The following INSL5 variants were observed in gnomAD, a reference collection of about 807,000 sequenced individuals.
INSL5 encodes the protein insulin-like peptide INSL5.
Under a neutral mutation model 4.3 loss-of-function variants are expected in INSL5, and 3 were observed. The ratio of observed to expected loss-of-function variants is 0.70; its 90% CI spans 0.32 to 1.82. The LOEUF (loss-of-function observed/expected upper bound fraction) is 1.82. Among genes scored for constraint, INSL5 ranks in the 40% most tolerant of loss-of-function variants. The pLI, the probability that INSL5 is intolerant of heterozygous loss-of-function variation, is 0.08. For synonymous variants in INSL5, 68 were observed against 56.6 expected (o/e 1.20, Z -0.90); for missense variants, 168 against 160.9 (o/e 1.04, Z -0.24).
Position 66,797,826 on chromosome 1 carries a change from C to T in INSL5, c.*187G>A, listed in dbSNP as rs1645352155. The stretch of plus-strand genomic sequence containing the variant: ...AATTTGAAAAGAACAGTTCATTAAC[C>T]TTGGCAAAGGGAGAAAATAGAGATC... On this transcript the variant is annotated 3_prime_UTR_variant, in exon 2 of 2. Transcript: ENST00000304526. 1.8e-6 allele frequency: 1 copy of T among 553,110 alleles called. No individual in the cohort carries two copies. The highest frequency in any genetic ancestry group is 1.9e-5 in the African/African-American group (1 of 53,166). 34.3% of individuals were successfully genotyped at this position (553,110 alleles called of 1,614,324 possible).
At position 66,801,127 on chromosome 1, in the gene INSL5, T is replaced by G. The variant is rs751867732; in HGVS notation, c.95A>C (p.Glu32Ala). The change falls in exon 1 of 2, where the codon GAA becomes GCA. Residue 32 changes from glutamate (E) to alanine (A), a missense_variant. By Grantham distance (107) the Glu-to-Ala change is moderately radical. Coordinates refer to ENST00000304526, the MANE Select transcript of INSL5 (RefSeq NM_005478.6). ...GATATAGATGACTGTCCGTATGTAT[T>G]CTAGCCCACAGAGTCTCACAGACTC... ...SKESVRLCGL[E>A]YIRTVIYICA... is the part of the protein sequence containing the mutation. 4.3e-6 allele frequency: 7 copies of G among 1,613,344 alleles called. No homozygotes were observed. In the South Asian group the frequency reaches 7.7e-5, roughly 18 times the overall value.
At position 66,798,134 on chromosome 1, in the gene INSL5, C is replaced by G. The variant is rs142474066; in HGVS notation, c.287G>C (p.Gly96Ala). The G allele has an allele frequency of 2.7e-3, 4,413 of 1,614,154 alleles. 3 individuals are homozygous for G. Among genetic ancestry groups the G allele is most frequent in the Non-Finnish European group, 3.6e-3 (4,196 of 1,180,018 alleles). ...CCAAAGCTCTTCAGTGGGCATCTGTCCACCCCAAAGACGGTCTTCCCCTGA... is the reference window on the plus strand; with the variant it reads ...CCAAAGCTCTTCAGTGGGCATCTGTGCACCCCAAAGACGGTCTTCCCCTGA... ...DASGEDRLWGGQMPTEELWKS... is the reference protein window; with the variant it reads ...DASGEDRLWGAQMPTEELWKS... The change falls in exon 2 of 2, where the codon GGA becomes GCA. Residue 96 changes from glycine (G) to alanine (A), a missense_variant. Coordinates refer to ENST00000304526, the MANE Select transcript of INSL5 (RefSeq NM_005478.6).
chr1:66,797,999 T>A lies in INSL5; in HGVS notation c.*14A>T, dbSNP rs368821233. 6.4e-7 allele frequency: 1 copy of A among 1,550,476 alleles called. No individual in the cohort carries two copies. Among genetic ancestry groups the A allele is most frequent in the African/African-American group, 1.4e-5 (1 of 73,592 alleles). On this transcript the variant is annotated 3_prime_UTR_variant, in exon 2 of 2. Transcript: ENST00000304526. ...TGATAAAGCTCTGCCACCCATTGGG[T>A]ATTTGCTCTTGTCTTAGCAAAGAGC...
Position 66,798,110 on chromosome 1 carries a change from C to T in INSL5, c.311G>A (p.Trp104Ter). 6.2e-7 allele frequency: 1 copy of T among 1,614,096 alleles called. No individual in the cohort carries two copies. Among genetic ancestry groups the T allele is most frequent in the Non-Finnish European group, 8.5e-7 (1 of 1,179,976 alleles). Residue 104 changes from tryptophan (W) to a stop codon, truncating the protein, a stop_gained, in exon 2 of 2, where the codon TGG becomes TAG. Coordinates refer to ENST00000304526, the MANE Select transcript of INSL5 (RefSeq NM_005478.6). LOFTEE classifies it low-confidence loss of function (END_TRUNC). ...CATCACTGAATGCTTCTTTGACTTC[C>T]AAAGCTCTTCAGTGGGCATCTGTCC... is the stretch of plus-strand genomic sequence containing the variant. ...WGGQMPTEELWKSKKHSVMSR... is the reference protein window; with the variant it reads ...WGGQMPTEEL
chr1:66,801,218 T>G lies in INSL5; in HGVS notation c.4A>C (p.Lys2Gln), dbSNP rs751653318. 1.2e-6 allele frequency: 2 copies of G among 1,610,306 alleles called. No homozygotes were observed. The highest frequency in any genetic ancestry group is 1.1e-5 in the South Asian group (1 of 90,818). Residue 2 changes from lysine (K) to glutamine (Q), a missense_variant, in exon 1 of 2, where the codon AAG becomes CAG. Physicochemically the swap from Lys to Gln is moderately conservative, Grantham distance 53. Transcript: ENST00000304526. The stretch of plus-strand genomic sequence containing the variant: ...AAAAACAGAGTGAAAATGGAGCCCT[T>G]CATTTTGCTGAGGACTGAATGTGAA... M[K>Q]GSIFTLFLFS...
intron 1 of INSL5, among the ~76,000 whole-genome samples, chr1:66,799,358 C>G (rs1448216712): frequency 6.6e-6 from 1 of 152,026 alleles, no homozygotes; most frequent in East Asian, 1.9e-4. Context: ...CACAGAAAGA[C>G]AAACACCACA....
intron 1 of INSL5, among the ~76,000 whole-genome samples, chr1:66,798,924 A>T (rs931362521): frequency 6.6e-6 from 1 of 152,216 alleles, no homozygotes; most frequent in African/African-American, 2.4e-5. Context: ...CAACAGAGCT[A>T]GCCTTATAGA....
chr1:66,798,265 A>G lies in INSL5; in HGVS notation c.176-20T>C. On this transcript the variant is annotated intron_variant, in intron 1 of 1. Coordinates refer to ENST00000304526, the MANE Select transcript of INSL5 (RefSeq NM_005478.6). Reference sequence around the variant, plus strand: ...TCTCAGCTGTATGGAAGAGAAAAAAATAATACATCCTTAGACAGCTCCTAC... The same window carrying G: ...TCTCAGCTGTATGGAAGAGAAAAAAGTAATACATCCTTAGACAGCTCCTAC... 2 of 1,563,538 alleles carry G rather than the reference A, an allele frequency of 1.3e-6. No homozygotes were observed. The highest frequency in any genetic ancestry group is 1.8e-6 in the Non-Finnish European group (2 of 1,134,644).
chr1:66,800,422 A>G (rs1207526179), intron 1 of INSL5, among the ~76,000 whole-genome samples: 3 of 152,096 alleles, frequency 2.0e-5, no homozygotes, highest in Non-Finnish European at 4.4e-5. Flanking sequence ...CCCGAGACTC[A>G]GTATGGAATT....
chr1:66,797,993 A>C lies in INSL5; in HGVS notation c.*20T>G, dbSNP rs1162479271. On this transcript the variant is annotated 3_prime_UTR_variant, in exon 2 of 2. Coordinates refer to ENST00000304526, the MANE Select transcript of INSL5 (RefSeq NM_005478.6). Reference sequence around the variant, plus strand: ...AACATGTGATAAAGCTCTGCCACCCATTGGGTATTTGCTCTTGTCTTAGCA... The same window carrying C: ...AACATGTGATAAAGCTCTGCCACCCCTTGGGTATTTGCTCTTGTCTTAGCA... 1 of 1,508,730 alleles carries C rather than the reference A, an allele frequency of 6.6e-7. No homozygotes were observed. The highest frequency in any genetic ancestry group is 1.7e-5 in the Admixed American group (1 of 59,698). 93.5% of individuals were successfully genotyped at this position (1,508,730 alleles called of 1,614,324 possible).
rs771471853 is a variant in INSL5, at chr1:66,801,101, A to T, written c.121T>A (p.Cys41Ser). 6 of 1,613,816 alleles carry T rather than the reference A, an allele frequency of 3.7e-6. No homozygotes were observed. The highest frequency in any genetic ancestry group is 5.1e-6 in the Non-Finnish European group (6 of 1,179,792). ...LEYIRTVIYICASSRWRRHQE... is the reference protein window; with the variant it reads ...LEYIRTVIYISASSRWRRHQE... ...TGCCTTCTCCACCTGGAGCTAGCACAGATATAGATGACTGTCCGTATGTAT... is the reference window on the plus strand; with the variant it reads ...TGCCTTCTCCACCTGGAGCTAGCACTGATATAGATGACTGTCCGTATGTAT... The change falls in exon 1 of 2, where the codon TGT (cysteine) becomes AGT (serine). Residue 41 changes from cysteine (C) to serine (S), a missense_variant. By Grantham distance (112) the Cys-to-Ser change is moderately radical. Transcript: ENST00000304526.
chr1:66,798,271 C>G, intron 1 of INSL5, 26 bp from the exon 2 acceptor site: 1 of 1,509,238 alleles, frequency 6.6e-7, no homozygotes, highest in South Asian at 1.1e-5. Flanking sequence ...AAAAATAATA[C>G]ATCCTTAGAC....
At position 66,797,844 on chromosome 1, in the gene INSL5, T is replaced by C. The variant is rs1346082511; in HGVS notation, c.*169A>G. 1.7e-6 allele frequency: 1 copy of C among 573,302 alleles called. No individual in the cohort carries two copies. Among genetic ancestry groups the C allele is most frequent in the Non-Finnish European group, 3.1e-6 (1 of 322,470 alleles). 35.5% of individuals were successfully genotyped at this position (573,302 alleles called of 1,614,324 possible). ...CATTAACCTTGGCAAAGGGAGAAAA[T>C]AGAGATCACTGTGGTTTCAACCGCT... On this transcript the variant is annotated 3_prime_UTR_variant, in exon 2 of 2. Coordinates refer to ENST00000304526, the MANE Select transcript of INSL5 (RefSeq NM_005478.6).
At chr1:66,799,769 G>A (rs1172851534) in intron 1 of INSL5, among the ~76,000 whole-genome samples, 1 of 152,124 alleles carries the variant, frequency 6.6e-6, no homozygotes, top group African/African-American at 2.4e-5. Flanking sequence ...AGGATTTTCA[G>A]CCATGCCCAG....
Position 66,797,892 on chromosome 1 carries a change from A to T in INSL5, c.*121T>A. On this transcript the variant is annotated 3_prime_UTR_variant, in exon 2 of 2. Transcript: ENST00000304526. ...GCTCAGCTATACCTTTTAGAAAAGAAGTTTTGCCTACCCAAAAGCCATCAT... is the reference window on the plus strand; with the variant it reads ...GCTCAGCTATACCTTTTAGAAAAGATGTTTTGCCTACCCAAAAGCCATCAT... 1 of 681,472 alleles carries T rather than the reference A, an allele frequency of 1.5e-6. No homozygotes were observed. Among genetic ancestry groups the T allele is most frequent in the Non-Finnish European group, 2.5e-6 (1 of 398,322 alleles). The allele number at this position is 681,472 out of a possible 1,614,324, so 42.2% of individuals were successfully genotyped here. A position where few individuals can be genotyped will look rare whatever the true frequency, so the allele number is the denominator to read the frequency against.
At chr1:66,799,153 C>T (rs998554337) in intron 1 of INSL5, among the ~76,000 whole-genome samples, 1 of 152,112 alleles carries the variant, frequency 6.6e-6, no homozygotes, top group Non-Finnish European at 1.5e-5. Flanking sequence ...AACACATTAG[C>T]CCACCCAAAG....
At chr1:66,800,934 G>T in intron 1 of INSL5, 113 bp downstream of exon 1, 2 of 698,324 alleles carry the variant, frequency 2.9e-6, no homozygotes, top group Non-Finnish European at 2.3e-6. Context: ...CATAAAAAAT[G>T]CCTCAACAGT....
rs496668 is a variant in INSL5, at chr1:66,799,383, T to C, written c.176-1138A>G. ...CAAACACCACATGATCTCACTGATA[T>C]GTGGAATCTAAAAACGTCAAACTCA... On this transcript the variant is annotated intron_variant, in intron 1 of 1. Transcript: ENST00000304526. Among the ~76,000 whole-genome samples the C allele has an allele frequency of 4.2e-3, 635 of 152,236 alleles. 7 individuals carry two copies. Among genetic ancestry groups the C allele is most frequent in the African/African-American group, 0.015 (612 of 41,550 alleles).
chr1:66,797,954 A>G lies in INSL5; in HGVS notation c.*59T>C, dbSNP rs1645352849. 1 of 1,199,650 alleles carries G rather than the reference A, an allele frequency of 8.3e-7. No individual in the cohort carries two copies. Among genetic ancestry groups the G allele is most frequent in the Non-Finnish European group, 1.2e-6 (1 of 814,848 alleles). 74.3% of individuals were successfully genotyped at this position (1,199,650 alleles called of 1,614,324 possible). ...AATATTAGTGTTCTACCAGGCAGTAAAACACTGTAATTAAACATGTGATAA... is the reference window on the plus strand; with the variant it reads ...AATATTAGTGTTCTACCAGGCAGTAGAACACTGTAATTAAACATGTGATAA... On this transcript the variant is annotated 3_prime_UTR_variant, in exon 2 of 2. Transcript: ENST00000304526.
Sources: gnomAD v4.1 joint callset for allele counts (sites outside exome capture counted in the v4.1 genomes callset) on GRCh38, gnomAD v4.1.1 for gene constraint, MANE v1.5 for transcripts, NCBI Gene and HGNC (gene_info 2026-07-23, HGNC 2026-07-21) for gene names.